The following ANK2 variants were observed in gnomAD, a reference collection of about 807,000 sequenced individuals.
ANK2 encodes the protein ankyrin-2.
Under a neutral mutation model 360.5 loss-of-function variants are expected in ANK2, and 83 were observed. The observed-to-expected ratio is 0.23, with a 90% confidence interval of 0.19 to 0.28. ANK2 has a LOEUF of 0.28. ANK2 is among the 10% of genes least tolerant of loss of function. The pLI, the probability that ANK2 is intolerant of heterozygous loss-of-function variation, is 1.00. For synonymous variants in ANK2, 1,740 were observed against 1,759.5 expected (o/e 0.99, Z 0.28); for missense variants, 4,201 against 4,795.7 (o/e 0.88, Z 3.66).
At chr4:113,038,811 T>A (rs143153929) in intron 2 of ANK2, among the ~76,000 whole-genome samples, 219 of 152,020 alleles carry the variant, frequency 1.4e-3, no homozygotes, top group Middle Eastern at 3.4e-3. Flanking sequence ...CCTTGAAGAA[T>A]GAAATGCCAC....
intron 1 of ANK2, among the ~76,000 whole-genome samples, chr4:113,171,070 A>G (rs773948324): frequency 2.0e-5 from 3 of 152,084 alleles, no homozygotes; most frequent in Admixed American, 6.6e-5. Context: ...TTTTCTCTTT[A>G]TTTTGCTTTT....
Position 113,358,935 on chromosome 4 carries a change from ATC to A in ANK2, c.10318_10319del (p.Ser3440ProfsTer5). ...GGGCCACAAGACCAAAGATACTTAC[ATC>A]CCGATTGCCAGTTAAGAGCAGAAGC... ...EGATRPKILT[S>X]RLPVKSRSTT... On this transcript the variant is annotated frameshift_variant, in exon 38 of 46. Transcript: ENST00000357077. LOFTEE classifies it high-confidence loss of function. 5 of 1,613,926 alleles carry A rather than the reference ATC, an allele frequency of 3.1e-6. 1 individual carries two copies. The South Asian group carries it at 5.5e-5, about 18-fold the overall frequency.
rs555556670 is a variant in ANK2 at position 113,053,636 on chromosome 4, C to T, written c.84+3824C>T. Reference sequence around the variant, plus strand: ...TGAGGCAGGGTCTTATTCTGTCACCCAGGCTGGAGTACAGTGGTGTGATCA... The same window carrying T: ...TGAGGCAGGGTCTTATTCTGTCACCTAGGCTGGAGTACAGTGGTGTGATCA... On this transcript the variant is annotated intron_variant, in intron 1 of 45. Coordinates refer to ENST00000357077, the MANE Select transcript of ANK2 (RefSeq NM_001148.6). Among the ~76,000 whole-genome samples, 37 of 152,300 alleles carry T rather than the reference C, an allele frequency of 2.4e-4. No homozygotes were observed. In the South Asian group the frequency reaches 7.2e-3, roughly 30 times the overall value.
intron 4 of ANK2, 89 bp downstream of exon 4, chr4:113,199,198 A>G: frequency 2.0e-6 from 2 of 1,022,510 alleles, no homozygotes; most frequent in South Asian, 2.8e-5. Context: ...TAGCTGTTCT[A>G]CTGATAAATT....
chr4:112,848,607 A>G (rs1457242140), intron 1 of ANK2, among the ~76,000 whole-genome samples: 1 of 152,024 alleles, frequency 6.6e-6, no homozygotes, highest in Non-Finnish European at 1.5e-5. Context: ...GTTTTCTCCA[A>G]TCTGTGTTTT....
chr4:112,855,946 T>C (rs2066291223), intron 1 of ANK2, among the ~76,000 whole-genome samples: 1 of 152,188 alleles, frequency 6.6e-6, no homozygotes, highest in South Asian at 2.1e-4. Context: ...GGACTTAATT[T>C]ATGTTTCATG....
At chr4:113,256,293 A>T (rs1444420028) in intron 11 of ANK2, among the ~76,000 whole-genome samples, 3 of 152,242 alleles carry the variant, frequency 2.0e-5, no homozygotes, top group Non-Finnish European at 4.4e-5. Flanking sequence ...GAACACGAGT[A>T]TGAAAAGTTG....
intron 20 of ANK2, among the ~76,000 whole-genome samples, 176 bp downstream of exon 20, chr4:113,288,662 T>G (rs551896136): frequency 6.6e-6 from 1 of 152,338 alleles, no homozygotes; most frequent in East Asian, 1.9e-4. Context: ...CTAATAACTT[T>G]GACATCCATG....
intron 23 of ANK2, among the ~76,000 whole-genome samples, chr4:113,303,328 A>G (rs1487784271): frequency 2.0e-5 from 3 of 152,226 alleles, no homozygotes; most frequent in Admixed American, 1.3e-4. Context: ...AGAGCCTTAT[A>G]GAAGGTTTAA....
chr4:112,762,303 T>G, the ANK2 span, among the ~76,000 whole-genome samples: 6 of 152,184 alleles, frequency 3.9e-5, no homozygotes, highest in Admixed American at 1.3e-4. Context: ...AAGGAAAAAT[T>G]AGTAAGTTCA....
intron 1 of ANK2, among the ~76,000 whole-genome samples, chr4:113,172,002 A>C (rs1562597382): frequency 6.6e-6 from 1 of 152,178 alleles, no homozygotes; most frequent in Non-Finnish European, 1.5e-5. Context: ...GGAACAATAG[A>C]GCAACCTGAT....
chr4:113,235,135 G>A (rs746086164), intron 5 of ANK2, among the ~76,000 whole-genome samples: 7 of 152,124 alleles, frequency 4.6e-5, no homozygotes, highest in Non-Finnish European at 4.4e-5. Context: ...CTAAGAAAAA[G>A]ATTAATTTCA....
In ANK2 at chr4:113,199,131, T is replaced by A. The variant is rs2098793157; in HGVS notation, c.384+22T>A. On this transcript the variant is annotated intron_variant, in intron 4 of 45. Coordinates refer to ENST00000357077, the MANE Select transcript of ANK2 (RefSeq NM_001148.6). ...TCAGGTATTCCATTCAGATTTTCCC[T>A]GATGTACATACATTTAAATTAGAAC... 3 of 1,545,486 alleles carry A rather than the reference T, an allele frequency of 1.9e-6. No homozygotes were observed. The South Asian group carries it at 3.3e-5, about 17-fold the overall frequency.
chr4:113,085,254 G>A (rs1351878919), intron 1 of ANK2, among the ~76,000 whole-genome samples: 1 of 152,084 alleles, frequency 6.6e-6, no homozygotes, highest in African/African-American at 2.4e-5. Flanking sequence ...TGCCTTTTAA[G>A]TATTTATAGA....
At chr4:113,266,525 T>A (rs114588070) in intron 14 of ANK2, among the ~76,000 whole-genome samples, 156 of 152,324 alleles carry the variant, frequency 1.0e-3, no homozygotes, top group African/African-American at 3.5e-3. Flanking sequence ...CATGAGTAAT[T>A]GACACATTGT....
chr4:112,960,826 C>A (rs2034426595), intron 2 of ANK2, among the ~76,000 whole-genome samples: 1 of 152,030 alleles, frequency 6.6e-6, no homozygotes, highest in South Asian at 2.1e-4. Context: ...TTTTTACCTT[C>A]ATGACATCCC....
rs539119576 is a variant in ANK2 at position 113,123,873 on chromosome 4, C to T, written c.85-50543C>T. On this transcript the variant is annotated intron_variant, in intron 1 of 45. Coordinates refer to ENST00000357077, the MANE Select transcript of ANK2 (RefSeq NM_001148.6). Reference sequence around the variant, plus strand: ...TTTACTTCTAATAATCAGTATGACTCTAATTTTTTCATGTGTAGATAGGAG... The same window carrying T: ...TTTACTTCTAATAATCAGTATGACTTTAATTTTTTCATGTGTAGATAGGAG... Among the ~76,000 whole-genome samples the T allele has an allele frequency of 6.7e-4, 102 of 152,198 alleles. 1 individual carries two copies. Among genetic ancestry groups the T allele is most frequent in the African/African-American group, 2.1e-3 (88 of 41,544 alleles).
chr4:112,778,045 C>G, the ANK2 span, among the ~76,000 whole-genome samples: 1 of 151,964 alleles, frequency 6.6e-6, no homozygotes, highest in African/African-American at 2.4e-5. Context: ...TCTCGGCTCA[C>G]TGCAACCTCT....
intron 1 of ANK2, among the ~76,000 whole-genome samples, chr4:112,852,606 TA>T (rs1274219434): frequency 6.6e-6 from 1 of 152,228 alleles, no homozygotes; most frequent in African/African-American, 2.4e-5. Context: ...TAGGGGAAGA[TA>T]CGAGTCTTAA....
Sources: allele counts gnomAD v4.1 joint callset (sites outside exome capture counted in the v4.1 genomes callset), GRCh38; gene constraint gnomAD v4.1.1; transcripts MANE v1.5; gene names NCBI Gene and HGNC (gene_info 2026-07-23, HGNC 2026-07-21).